The following ZNF385D variants were observed in gnomAD, a reference collection of about 807,000 sequenced individuals.
The protein encoded by ZNF385D is zinc finger protein 659.
A neutral mutation model predicts 35.8 loss-of-function variants in ZNF385D; 15 were observed. The observed-to-expected ratio is 0.42, with a 90% CI of 0.28 to 0.64. The LOEUF (loss-of-function observed/expected upper bound fraction) is 0.64. Among genes scored for constraint, ZNF385D ranks in the 30% least tolerant of loss-of-function variants. ZNF385D has a pLI of 0.23. For synonymous variants in ZNF385D, 212 were observed against 186.8 expected (o/e 1.13, Z -1.10); for missense variants, 474 against 494.6 (o/e 0.96, Z 0.39).
chr3:22,122,336 C>A (rs113357179), intron 3 of ZNF385D, among the ~76,000 whole-genome samples: 119 of 151,924 alleles, frequency 7.8e-4, no homozygotes, highest in African/African-American at 2.7e-3. Flanking sequence ...TGTTTTTTTT[C>A]CACTGTAATT....
upstream of ZNF385D, among the ~76,000 whole-genome samples, chr3:21,756,158 G>T (rs998199177): frequency 6.6e-6 from 1 of 152,162 alleles, no homozygotes; most frequent in Non-Finnish European, 1.5e-5. Flanking sequence ...GACGGGTTAG[G>T]AAGCCTTTGT....
intron 3 of ZNF385D, among the ~76,000 whole-genome samples, chr3:21,914,987 T>C (rs180901313): frequency 6.6e-6 from 1 of 151,794 alleles, no homozygotes; most frequent in East Asian, 1.9e-4. Flanking sequence ...GAAAAGTTTG[T>C]GACTTGGTTA....
At chr3:22,242,149 G>A (rs529794580) in intron 2 of ZNF385D, among the ~76,000 whole-genome samples, 2 of 150,706 alleles carry the variant, frequency 1.3e-5, no homozygotes, top group Admixed American at 6.6e-5. Context: ...TGGGTGCAGC[G>A]CACCAGCGTG....
chr3:21,775,131 C>A, intron 3 of ZNF385D, among the ~76,000 whole-genome samples: 1 of 151,904 alleles, frequency 6.6e-6, no homozygotes, highest in Middle Eastern at 3.4e-3. Context: ...ACTCAAGAAG[C>A]AGGAAATCAT....
chr3:22,098,583 T>C (rs1255775191), intron 3 of ZNF385D, among the ~76,000 whole-genome samples: 1 of 152,098 alleles, frequency 6.6e-6, no homozygotes, highest in Non-Finnish European at 1.5e-5. Flanking sequence ...TTAAAGTTTC[T>C]ATTTTTATTT....
chr3:22,114,192 T>A (rs183790375), intron 3 of ZNF385D, among the ~76,000 whole-genome samples: 2,062 of 152,154 alleles, frequency 0.014, 43 homozygotes, highest in African/African-American at 0.047. Context: ...AAATTATTAT[T>A]GTTTGTATGC....
intron 2 of ZNF385D, among the ~76,000 whole-genome samples, chr3:22,365,466 G>A (rs549678860): frequency 9.9e-5 from 15 of 152,134 alleles, no homozygotes; most frequent in East Asian, 5.8e-4. Flanking sequence ...GTGGTCAGTC[G>A]ACGAGATGTT....
intron 4 of ZNF385D, among the ~76,000 whole-genome samples, chr3:21,463,320 G>A (rs1388732008): frequency 6.6e-6 from 1 of 152,142 alleles, no homozygotes; most frequent in Non-Finnish European, 1.5e-5. Flanking sequence ...CTAGAAGGAA[G>A]TCTATGGGAT....
intron 3 of ZNF385D, among the ~76,000 whole-genome samples, chr3:21,563,965 A>G (rs2063049693): frequency 6.6e-6 from 1 of 152,146 alleles, no homozygotes; most frequent in African/African-American, 2.4e-5. Context: ...AACTCCCTGA[A>G]TAACTTGTGA....
chr3:22,124,965 TG>T (rs1703342943), intron 3 of ZNF385D, among the ~76,000 whole-genome samples: 1 of 152,130 alleles, frequency 6.6e-6, no homozygotes, highest in African/African-American at 2.4e-5. Flanking sequence ...CCTGTGCTTG[TG>T]GGGTATTATT....
At position 22,092,971 on chromosome 3, in the gene ZNF385D, T is replaced by C. The variant is rs980075227; in HGVS notation, c.325+75846A>G. ...TATTTTGAATGTTATTTAAATAAAA[T>C]TAACGCAAATAAACTTATCAAAACT... On this transcript the variant is annotated intron_variant, in intron 3 of 5. Coordinates refer to the ZNF385D transcript ENST00000494108. 9.8e-5 allele frequency among the ~76,000 whole-genome samples: 15 copies of C among 152,310 alleles called. No homozygotes were observed. In the East Asian group the frequency reaches 2.7e-3, roughly 27 times the overall value.
In ZNF385D at chr3:21,779,655, G is replaced by T. The variant is rs78265737; in HGVS notation, c.326-114627C>A. Among the ~76,000 whole-genome samples, 850 of 151,968 alleles carry T rather than the reference G, an allele frequency of 5.6e-3. 5 individuals carry two copies. The highest frequency in any genetic ancestry group is 0.019 in the African/African-American group (775 of 41,508). Reference sequence around the variant, plus strand: ...GGTAAGAAATTAACATTTACTGAGCGCCTTCTCAATGCCACTCACTTTACA... The same window carrying T: ...GGTAAGAAATTAACATTTACTGAGCTCCTTCTCAATGCCACTCACTTTACA... On this transcript the variant is annotated intron_variant, in intron 3 of 5. Coordinates refer to the ZNF385D transcript ENST00000494108.
In ZNF385D at chr3:22,198,717, C is replaced by T. The variant is rs553398217; in HGVS notation, c.107-29682G>A. Among the ~76,000 whole-genome samples, 11 of 152,150 alleles carry T rather than the reference C, an allele frequency of 7.2e-5. No homozygotes were observed. In the South Asian group the frequency reaches 2.3e-3, roughly 32 times the overall value. On this transcript the variant is annotated intron_variant, in intron 2 of 5. Transcript: ENST00000494108. ...TAAAAATGTGTACATGGCAGGAAGA[C>T]ATGGTAAGTGAACACACATTCACTA... is the stretch of plus-strand genomic sequence containing the variant.
At chr3:21,436,097 A>G (rs1415799337) in intron 5 of ZNF385D, among the ~76,000 whole-genome samples, 1 of 152,162 alleles carries the variant, frequency 6.6e-6, no homozygotes, top group Non-Finnish European at 1.5e-5. Flanking sequence ...TGATCTTGGC[A>G]ATGAATCCAG....
intron 2 of ZNF385D, among the ~76,000 whole-genome samples, chr3:22,358,181 C>T (rs543971573): frequency 2.1e-4 from 32 of 151,854 alleles, no homozygotes; most frequent in Non-Finnish European, 4.3e-4. Context: ...ACACAAAGTT[C>T]ACTTGTAATA....
At chr3:22,356,032 A>G (rs1696132882) in intron 2 of ZNF385D, among the ~76,000 whole-genome samples, 2 of 152,000 alleles carry the variant, frequency 1.3e-5, no homozygotes, top group South Asian at 4.1e-4. Flanking sequence ...TCCAGCATGT[A>G]AAAAACCTAT....
At chr3:21,865,193 T>C (rs2125836579) in intron 3 of ZNF385D, among the ~76,000 whole-genome samples, 2 of 151,762 alleles carry the variant, frequency 1.3e-5, no homozygotes, top group South Asian at 4.2e-4. Flanking sequence ...AATTAGAGTA[T>C]TTGCTATGCA....
chr3:22,042,455 T>C (rs1698724641), intron 3 of ZNF385D, among the ~76,000 whole-genome samples: 1 of 152,170 alleles, frequency 6.6e-6, no homozygotes, highest in Non-Finnish European at 1.5e-5. Context: ...TTTTCCTTTG[T>C]GTTACAAAAC....
chr3:21,435,123 AT>A (rs1341975042), intron 5 of ZNF385D, among the ~76,000 whole-genome samples: 1 of 152,068 alleles, frequency 6.6e-6, no homozygotes, highest in Non-Finnish European at 1.5e-5. Flanking sequence ...CTCTGGGGTA[AT>A]TTTGACACAC....
Sources: gnomAD v4.1 joint callset for allele counts (sites outside exome capture counted in the v4.1 genomes callset) on GRCh38, gnomAD v4.1.1 for gene constraint, MANE v1.5 for transcripts, NCBI Gene and HGNC (gene_info 2026-07-23, HGNC 2026-07-21) for gene names.